Variants in TRAPPC9 observed in about 807,000 individuals in gnomAD.
TRAPPC9 encodes the protein trafficking protein particle complex subunit 9.
In TRAPPC9, 83 loss-of-function variants were observed where a neutral mutation model predicts 124.0. The observed-to-expected ratio is 0.67, with a 90% CI of 0.56 to 0.80. The LOEUF (loss-of-function observed/expected upper bound fraction) is 0.80. Ranked by LOEUF, TRAPPC9 falls within the 30% of genes least tolerant of loss-of-function variation. The pLI, the probability that TRAPPC9 is intolerant of heterozygous loss-of-function variation, is 0.00. For synonymous variants in TRAPPC9, 638 were observed against 617.5 expected, an observed-to-expected ratio of 1.03 and a Z score of -0.49; for missense variants, 1,302 against 1,508.3, an observed-to-expected ratio of 0.86 and a Z score of 2.27.
chr8:140,316,287 G>C (rs543432896), intron 9 of TRAPPC9, among the ~76,000 whole-genome samples: 1 of 152,220 alleles, frequency 6.6e-6, no homozygotes, highest in Admixed American at 6.5e-5. Flanking sequence ...CTGGTCCTTT[G>C]TTTTTTCAGA....
chr8:140,002,484 A>G (rs1838468260), intron 18 of TRAPPC9, among the ~76,000 whole-genome samples: 1 of 152,154 alleles, frequency 6.6e-6, no homozygotes, highest in South Asian at 2.1e-4. Flanking sequence ...ATATGGAAAT[A>G]CAAAGAAACA....
chr8:140,443,276 A>T (rs886179621), intron 2 of TRAPPC9, among the ~76,000 whole-genome samples: 1 of 151,214 alleles, frequency 6.6e-6, no homozygotes, highest in African/African-American at 2.4e-5. Context: ...TCTACTAAAA[A>T]ATACAAAAAA....
chr8:140,010,198 G>A (rs1839031482), intron 18 of TRAPPC9, among the ~76,000 whole-genome samples: 1 of 152,068 alleles, frequency 6.6e-6, no homozygotes, highest in South Asian at 2.1e-4. Flanking sequence ...TAAAATCTTA[G>A]ATTTTTGCAA....
intron 2 of TRAPPC9, among the ~76,000 whole-genome samples, chr8:140,449,416 T>C (rs2071380745): frequency 6.6e-6 from 1 of 152,170 alleles, no homozygotes; most frequent in South Asian, 2.1e-4. Context: ...TGCCTAGGCT[T>C]GCATCTCATC....
intron 21 of TRAPPC9, among the ~76,000 whole-genome samples, chr8:139,826,792 A>G (rs1201906190): frequency 6.6e-6 from 1 of 152,206 alleles, no homozygotes; most frequent in African/African-American, 2.4e-5. Flanking sequence ...AACTGTGAAC[A>G]GAAAGGTACA....
chr8:139,894,600 C>T (rs528454703), intron 20 of TRAPPC9, among the ~76,000 whole-genome samples: 51 of 152,302 alleles, frequency 3.3e-4, no homozygotes, highest in African/African-American at 1.2e-3. Flanking sequence ...GCAGCCCCCA[C>T]AGAACAGAGC....
chr8:140,393,146 A>AT (rs1375725109), intron 7 of TRAPPC9, among the ~76,000 whole-genome samples: 1 of 151,508 alleles, frequency 6.6e-6, no homozygotes, highest in Non-Finnish European at 1.5e-5. Flanking sequence ...ATCTCGGCGC[A>AT]CTGCAACCTC....
At chr8:140,124,330 C>T (rs2061042991) in intron 17 of TRAPPC9, among the ~76,000 whole-genome samples, 1 of 152,144 alleles carries the variant, frequency 6.6e-6, no homozygotes, top group Non-Finnish European at 1.5e-5. Context: ...TGCTGCATTG[C>T]CCCAGCCTCT....
rs1158891792 is a variant in TRAPPC9 at position 139,776,436 on chromosome 8, GAC to G, written c.3056-44236_3056-44235del. Among the ~76,000 whole-genome samples the G allele has an allele frequency of 6.6e-6, 1 of 152,244 alleles. No individual in the cohort carries two copies. The highest frequency in any genetic ancestry group is 1.5e-5 in the Non-Finnish European group (1 of 68,050). On this transcript the variant is annotated intron_variant, in intron 21 of 22. Coordinates refer to ENST00000438773, the MANE Select transcript of TRAPPC9 (RefSeq NM_001160372.4). This position sits in a 1 kb window ranked among gnomAD's most constrained non-coding sequence, Gnocchi z 4.1. ...AAGGATGGGGTGGCACCAGGGTGAA[GAC>G]ACATGCTCATCACCCAGGGGTTAGC...
At chr8:140,116,537 G>A (rs749116343) in intron 17 of TRAPPC9, among the ~76,000 whole-genome samples, 30 of 152,160 alleles carry the variant, frequency 2.0e-4, no homozygotes, top group Non-Finnish European at 4.0e-4. Context: ...TGGCATTGCC[G>A]TTATTTTATT....
rs2063854252 is a variant in TRAPPC9 at position 140,241,478 on chromosome 8, TGAGGTGAA to T, written c.2431+11291_2431+11298del. ...TTGGGAGGCTGAGGTGGGTGAATCA[TGAGGTGAA>T]GGGATCAAGACTATCCTGGCCAACA... On this transcript the variant is annotated intron_variant, in intron 16 of 22. Coordinates refer to ENST00000438773, the MANE Select transcript of TRAPPC9 (RefSeq NM_001160372.4). This position sits in a 1 kb window ranked among gnomAD's most constrained non-coding sequence, Gnocchi z 5.0. Among the ~76,000 whole-genome samples, 1 of 151,402 alleles carries T rather than the reference TGAGGTGAA, an allele frequency of 6.6e-6. No homozygotes were observed. The highest frequency in any genetic ancestry group is 1.5e-5 in the Non-Finnish European group (1 of 67,910).
chr8:140,304,184 T>C (rs1019890078), intron 10 of TRAPPC9, among the ~76,000 whole-genome samples: 2 of 151,916 alleles, frequency 1.3e-5, no homozygotes, highest in African/African-American at 2.4e-5. Context: ...AACCTCCACC[T>C]TCTGGGTTCC....
In TRAPPC9 at chr8:140,076,117, C is replaced by T. The variant is rs755958153; in HGVS notation, c.2557-52038G>A. On this transcript the variant is annotated intron_variant, in intron 17 of 22. Coordinates refer to ENST00000438773, the MANE Select transcript of TRAPPC9 (RefSeq NM_001160372.4). ...TTTTACAGGTGGGGAGATGGAGAGA[C>T]GCAAGCTGTCCAACCACTCTTAAGC... Among the ~76,000 whole-genome samples, 5 of 152,206 alleles carry T rather than the reference C, an allele frequency of 3.3e-5. No homozygotes were observed. In the East Asian group the frequency reaches 5.8e-4, roughly 18 times the overall value.
intron 15 of TRAPPC9, among the ~76,000 whole-genome samples, chr8:140,256,774 C>T (rs190784106): frequency 6.6e-6 from 1 of 152,292 alleles, no homozygotes; most frequent in African/African-American, 2.4e-5. Flanking sequence ...TCAGCTTCCC[C>T]TTCTTTTACA....
At chr8:140,137,611 C>T (rs994967312) in intron 17 of TRAPPC9, among the ~76,000 whole-genome samples, 4 of 152,218 alleles carry the variant, frequency 2.6e-5, no homozygotes, top group South Asian at 2.1e-4. Context: ...AGCCCCACCC[C>T]GCACCTGCTG....
At chr8:140,297,329 C>CA in intron 11 of TRAPPC9, among the ~76,000 whole-genome samples, 1 of 151,552 alleles carries the variant, frequency 6.6e-6, no homozygotes, top group Non-Finnish European at 1.5e-5. Context: ...CATGCACACA[C>CA]TCATACACAC....
chr8:140,205,617 G>A (rs2062899728), intron 17 of TRAPPC9, among the ~76,000 whole-genome samples: 1 of 152,140 alleles, frequency 6.6e-6, no homozygotes, highest in Non-Finnish European at 1.5e-5. Flanking sequence ...AAATCAAAGA[G>A]AACAACTCAA....
At position 139,774,103 on chromosome 8, in the gene TRAPPC9, T is replaced by C. The variant is rs146886400; in HGVS notation, c.3056-41901A>G. ...AGAGAGACAAGCTCCCCAGGCCACA[T>C]GGACGCGGGCGAAGGCCACTGGGGC... is the stretch of plus-strand genomic sequence containing the variant. On this transcript the variant is annotated intron_variant, in intron 21 of 22. Coordinates refer to ENST00000438773, the MANE Select transcript of TRAPPC9 (RefSeq NM_001160372.4). 1.4e-3 allele frequency among the ~76,000 whole-genome samples: 206 copies of C among 152,178 alleles called. 1 individual carries two copies. The highest frequency in any genetic ancestry group is 4.6e-3 in the African/African-American group (193 of 41,532).
intron 10 of TRAPPC9, among the ~76,000 whole-genome samples, chr8:140,306,679 T>A (rs1425199501): frequency 6.6e-6 from 1 of 152,090 alleles, no homozygotes; most frequent in Non-Finnish European, 1.5e-5. Context: ...ATGAGCCTAT[T>A]TATTAGTAAG....
Sources: allele counts gnomAD v4.1 joint callset (sites outside exome capture counted in the v4.1 genomes callset), GRCh38; gene constraint gnomAD v4.1.1; non-coding constraint Gnocchi (gnomAD v3.1); transcripts MANE v1.5; gene names NCBI Gene and HGNC (gene_info 2026-07-23, HGNC 2026-07-21).